Variants in METTL8 observed in about 807,000 individuals in gnomAD.
The protein encoded by METTL8 is tRNA N(3)-cytidine methyltransferase METTL8, mitochondrial.
METTL8 carries 32 observed loss-of-function variants against 48.7 expected under a neutral mutation model. The observed-to-expected ratio is 0.66, with a 90% CI of 0.50 to 0.88. METTL8 has a LOEUF of 0.88. Among genes scored for constraint, METTL8 ranks in the 40% least tolerant of loss-of-function variants. METTL8 has a pLI of 0.00. For missense variants in METTL8, 464 were observed against 474.4 expected (o/e 0.98, Z 0.20); for synonymous variants, 136 against 157.1 (o/e 0.87, Z 1.01).
chr2:171,325,918 T>A lies in METTL8; in HGVS notation c.968-12A>T. On this transcript the variant is annotated splice_polypyrimidine_tract_variant and intron_variant, in intron 8 of 9. Transcript: ENST00000375258. ...AGATAAACAATGTCCTGAAAAAAAT[T>A]GTGAAAAGAGAAACTCTTAAGGGTA... is the stretch of plus-strand genomic sequence containing the variant. 1 of 1,574,778 alleles carries A rather than the reference T, an allele frequency of 6.4e-7. No individual in the cohort carries two copies. Among genetic ancestry groups the A allele is most frequent in the South Asian group, 1.1e-5 (1 of 87,644 alleles).
intron 3 of METTL8, 54 bp downstream of exon 3, chr2:171,360,368 G>A: frequency 4.1e-6 from 6 of 1,459,910 alleles, no homozygotes; most frequent in African/African-American, 1.4e-5. Context: ...ACACGAGGAG[G>A]AGGAAAAGTC....
chr2:171,336,319 A>T (rs1475216613), intron 5 of METTL8, among the ~76,000 whole-genome samples: 1 of 140,024 alleles, frequency 7.1e-6, no homozygotes, highest in African/African-American at 2.7e-5. Flanking sequence ...CTGGTCTCGA[A>T]CTCCTGATCT....
chr2:171,414,014 A>G (rs1013956878), intron 1 of METTL8, among the ~76,000 whole-genome samples: 3 of 152,240 alleles, frequency 2.0e-5, no homozygotes, highest in African/African-American at 7.2e-5. Flanking sequence ...AGGATTTGTC[A>G]TAGCATTATT....
At chr2:171,356,161 AT>A (rs929802019) in intron 3 of METTL8, among the ~76,000 whole-genome samples, 64 of 151,222 alleles carry the variant, frequency 4.2e-4, no homozygotes, top group African/African-American at 1.5e-3. Context: ...TCTTCCAGCT[AT>A]TTTTTTTTGA....
At chr2:171,327,481 T>C (rs1299051590) in intron 7 of METTL8, among the ~76,000 whole-genome samples, 2 of 152,266 alleles carry the variant, frequency 1.3e-5, no homozygotes, top group Non-Finnish European at 2.9e-5. Context: ...CTCTGCCTTA[T>C]CTAAGCTACT....
intron 5 of METTL8, among the ~76,000 whole-genome samples, chr2:171,333,029 T>C (rs61551822): frequency 0.36 from 53,970 of 151,346 alleles, 10,340 homozygotes; most frequent in African/African-American, 0.5. Flanking sequence ...ATATGGAATT[T>C]ATTTAGCTAA....
chr2:171,393,025 AC>A (rs1688721174), intron 1 of METTL8, among the ~76,000 whole-genome samples: 1 of 151,874 alleles, frequency 6.6e-6, no homozygotes, highest in South Asian at 2.1e-4. Flanking sequence ...AATCGCTTGA[AC>A]CCAGGAGGCG....
At chr2:171,332,709 CATGGGTTTT>C (rs1685665780) in intron 5 of METTL8, 1 of 152,198 alleles carries the variant, frequency 6.6e-6, no homozygotes, top group African/African-American at 2.4e-5. Flanking sequence ...TCCTGGCTCT[CATGGGTTTT>C]ATAGTCTAGT....
At chr2:171,415,149 T>A (rs777046772) in intron 1 of METTL8, among the ~76,000 whole-genome samples, 4 of 152,052 alleles carry the variant, frequency 2.6e-5, no homozygotes, top group Non-Finnish European at 5.9e-5. Context: ...TATGAAAAGA[T>A]GTCCATGATT....
At chr2:171,367,052 T>A (rs1051280252) in intron 2 of METTL8, among the ~76,000 whole-genome samples, 1 of 151,980 alleles carries the variant, frequency 6.6e-6, no homozygotes, top group Non-Finnish European at 1.5e-5. Flanking sequence ...ATAATACCAA[T>A]TGGTCTAACA....
At chr2:171,326,698 C>A (rs1183266861) in intron 7 of METTL8, among the ~76,000 whole-genome samples, 3 of 150,614 alleles carry the variant, frequency 2.0e-5, no homozygotes, top group Non-Finnish European at 4.4e-5. Context: ...AATTCTATGT[C>A]CTCTTTAATT....
intron 1 of METTL8, among the ~76,000 whole-genome samples, chr2:171,407,346 A>G (rs1304297482): frequency 6.6e-6 from 1 of 151,442 alleles, no homozygotes; most frequent in Non-Finnish European, 1.5e-5. Flanking sequence ...AGCGGGGGGG[A>G]AATGGAAAGA....
At chr2:171,362,203 C>T (rs1228609730) in intron 2 of METTL8, among the ~76,000 whole-genome samples, 2 of 152,056 alleles carry the variant, frequency 1.3e-5, no homozygotes, top group South Asian at 2.1e-4. Flanking sequence ...GGAGGAAAAG[C>T]GACCAATTAG....
At chr2:171,403,203 C>T (rs908976900) in intron 1 of METTL8, among the ~76,000 whole-genome samples, 9 of 152,098 alleles carry the variant, frequency 5.9e-5, no homozygotes, top group African/African-American at 1.4e-4. Flanking sequence ...AACTCTGCAG[C>T]GGAGTAACTT....
chr2:171,340,498 C>CAAAAAAA (rs760579218), intron 3 of METTL8, among the ~76,000 whole-genome samples: 4 of 42,930 alleles, frequency 9.3e-5, no homozygotes, highest in South Asian at 8.9e-4. Context: ...TGAGTTGTCT[C>CAAAAAAA]AAAAAAAAAA....
intron 2 of METTL8, among the ~76,000 whole-genome samples, chr2:171,372,360 C>T (rs540333059): frequency 4.1e-4 from 63 of 152,098 alleles, no homozygotes; most frequent in African/African-American, 1.5e-3. Flanking sequence ...CCCTCTCATC[C>T]CCATTCCCAT....
At position 171,354,863 on chromosome 2, in the gene METTL8, AT is replaced by A. The variant is rs146105055; in HGVS notation, c.235+5558del. Among the ~76,000 whole-genome samples the A allele has an allele frequency of 2.2e-3, 332 of 151,482 alleles. 7 individuals carry two copies. The East Asian group carries it at 0.03, about 13-fold the overall frequency. On this transcript the variant is annotated intron_variant, in intron 3 of 9. Transcript: ENST00000375258. ...TTTATTCTAGTTAGCCATTTGTCTA[AT>A]TTTTTTTTCAAGGTTTTTAGTTTCT...
At chr2:171,434,427 C>T (rs1024599326), upstream of METTL8, 7 of 1,369,018 alleles carry the variant, frequency 5.1e-6, no homozygotes, top group African/African-American at 8.6e-5. Flanking sequence ...CCGTCGGGTG[C>T]TCCCTGCCCG....
In METTL8 at chr2:171,325,877, G is replaced by T; in HGVS notation, c.997C>A (p.Arg333=). Residue 333 remains arginine (R), a synonymous_variant, in exon 9 of 10, where the codon CGA becomes AGA. Coordinates refer to ENST00000375258, the MANE Select transcript of METTL8 (RefSeq NM_001321154.2). ...AAATATGCTCTGGTACCATCTCCTC[G>T]AACATAAAAATTTTCAGATAAACAA... ...GHCLSENFYV[R]GDGTRAYFFT... is the part of the protein sequence containing the mutation. The T allele has an allele frequency of 1.3e-6, 2 of 1,599,916 alleles. No individual in the cohort carries two copies. The highest frequency in any genetic ancestry group is 2.2e-5 in the South Asian group (2 of 89,310).
Sources: gnomAD v4.1 joint callset for allele counts (sites outside exome capture counted in the v4.1 genomes callset) on GRCh38, gnomAD v4.1.1 for gene constraint, MANE v1.5 for transcripts, NCBI Gene and HGNC (gene_info 2026-07-23, HGNC 2026-07-21) for gene names.